The following ANKRD28 variants were observed in gnomAD, a reference collection of about 807,000 sequenced individuals.
ANKRD28 encodes serine/threonine-protein phosphatase 6 regulatory ankyrin repeat subunit A.
ANKRD28 carries 44 observed loss-of-function variants against 126.5 expected under a neutral mutation model. The observed-to-expected ratio is 0.35, with a 90% confidence interval of 0.27 to 0.45. The LOEUF is 0.45. ANKRD28 is among the 20% of genes least tolerant of loss of function. ANKRD28 has a pLI of 1.00. For missense variants in ANKRD28, 1,110 were observed against 1,316.6 expected (o/e 0.84, Z 2.43); for synonymous variants, 442 against 468.5 (o/e 0.94, Z 0.73).
chr3:15,699,294 A>G (rs1201436820), intron 14 of ANKRD28, among the ~76,000 whole-genome samples: 1 of 152,232 alleles, frequency 6.6e-6, no homozygotes, highest in African/African-American at 2.4e-5. Flanking sequence ...AAACCCTATT[A>G]GAAAACCTAG....
At chr3:15,777,929 C>A (rs148547701) in intron 2 of ANKRD28, among the ~76,000 whole-genome samples, 256 of 151,006 alleles carry the variant, frequency 1.7e-3, no homozygotes, top group African/African-American at 6.0e-3. Context: ...CCCGTCAATA[C>A]CCACACATAA....
intron 1 of ANKRD28, among the ~76,000 whole-genome samples, chr3:15,831,005 T>C (rs1363626187): frequency 6.6e-6 from 1 of 152,204 alleles, no homozygotes; most frequent in Non-Finnish European, 1.5e-5. Flanking sequence ...AAGTAAGCAC[T>C]GTCTGCACAA....
chr3:15,694,498 C>A (rs1287926522), intron 17 of ANKRD28, among the ~76,000 whole-genome samples: 1 of 151,886 alleles, frequency 6.6e-6, no homozygotes, highest in South Asian at 2.1e-4. Flanking sequence ...CTGGGGGAAG[C>A]CTAAGGATCA....
Position 15,670,235 on chromosome 3 carries a change from A to G in ANKRD28, c.*35T>C, listed in dbSNP as rs369600841. 1.0e-4 allele frequency: 163 copies of G among 1,598,848 alleles called. 2 individuals carry two copies. The East Asian group carries it at 2.1e-3, about 21-fold the overall frequency. ...TTTTTCCTGAAAAAGCACAGTTTGAAGCTTTACTGTGAGAACTCCCTCCTC... is the reference window on the plus strand; with the variant it reads ...TTTTTCCTGAAAAAGCACAGTTTGAGGCTTTACTGTGAGAACTCCCTCCTC... On this transcript the variant is annotated 3_prime_UTR_variant, in exon 28 of 28. Transcript: ENST00000683139.
chr3:15,727,582 A>G (rs1210704307), intron 6 of ANKRD28, among the ~76,000 whole-genome samples: 1 of 150,758 alleles, frequency 6.6e-6, no homozygotes, highest in Non-Finnish European at 1.5e-5. Flanking sequence ...AAAAAAAAAA[A>G]AAAAAAAAGA....
rs1327627450 is a variant in ANKRD28 at position 15,812,061 on chromosome 3, G to C, written c.28-16755C>G. ...CCAGCTACTCAGGAGGCTGAGGTCGGAGAATCGCTTGAACCCAGGAGGCTG... is the reference window on the plus strand; with the variant it reads ...CCAGCTACTCAGGAGGCTGAGGTCGCAGAATCGCTTGAACCCAGGAGGCTG... On this transcript the variant is annotated intron_variant, in intron 1 of 27. Coordinates refer to the ANKRD28 transcript ENST00000399451. The surrounding 1 kb of genome is among the most constrained non-coding windows in gnomAD (Gnocchi z 4.1). Among the ~76,000 whole-genome samples the C allele has an allele frequency of 6.6e-6, 1 of 152,056 alleles. No homozygotes were observed. The highest frequency in any genetic ancestry group is 1.5e-5 in the Non-Finnish European group (1 of 67,996).
rs2125759312 is a variant in ANKRD28 at position 15,685,364 on chromosome 3, T to C, written c.2251A>G (p.Thr751Ala). ...CAGGCAGCAGACAGGTGTATAGGCGTCCGGCCCCTGCTATCCCGAAGTAAG... is the reference window on the plus strand; with the variant it reads ...CAGGCAGCAGACAGGTGTATAGGCGCCCGGCCCCTGCTATCCCGAAGTAAG... ...KCLLRDSRGR[T>A]PIHLSAACGH... The change falls in exon 21 of 28, where the codon ACG becomes GCG. Residue 751 changes from threonine (T) to alanine (A), a missense_variant. Coordinates refer to ENST00000683139, the MANE Select transcript of ANKRD28 (RefSeq NM_001349278.2). 6.2e-7 allele frequency: 1 copy of C among 1,614,016 alleles called. No homozygotes were observed. Among genetic ancestry groups the C allele is most frequent in the Middle Eastern group, 1.6e-4 (1 of 6,062 alleles).
chr3:15,787,763 T>G (rs2125749990), intron 2 of ANKRD28, among the ~76,000 whole-genome samples: 1 of 152,308 alleles, frequency 6.6e-6, no homozygotes, highest in South Asian at 2.1e-4. Context: ...TGTTCAAGAT[T>G]AGACTGCTTC....
chr3:15,737,046 C>A lies in ANKRD28; in HGVS notation c.539G>T (p.Ser180Ile). ...GRTALHHAAF[S>I]GHGEMVKLLL... ...AATGCCACCTACCTCACCATGTCCA[C>A]TGAAAGCTGCATGATGTAATGCAGT... The change falls in exon 5 of 28, where the codon AGT becomes ATT. Residue 180 changes from serine (S) to isoleucine (I), a missense_variant. Ser to Ile is a moderately radical substitution (Grantham distance 142). Coordinates refer to ENST00000683139, the MANE Select transcript of ANKRD28 (RefSeq NM_001349278.2). 1 of 1,613,940 alleles carries A rather than the reference C, an allele frequency of 6.2e-7. No homozygotes were observed. The highest frequency in any genetic ancestry group is 1.1e-5 in the South Asian group (1 of 91,076).
chr3:15,810,527 A>T (rs1426090117), intron 1 of ANKRD28, among the ~76,000 whole-genome samples: 5 of 146,814 alleles, frequency 3.4e-5, no homozygotes, highest in Non-Finnish European at 7.4e-5. Context: ...TAAAATCTTT[A>T]AAGAATTTCT....
At chr3:15,700,982 A>C (rs973841060) in intron 14 of ANKRD28, among the ~76,000 whole-genome samples, 1 of 152,200 alleles carries the variant, frequency 6.6e-6, no homozygotes, top group Non-Finnish European at 1.5e-5. Flanking sequence ...TTCAGTGATA[A>C]TTTGTTTGGT....
chr3:15,826,752 C>T lies in ANKRD28; in HGVS notation c.28-31446G>A, dbSNP rs1468791145. On this transcript the variant is annotated intron_variant, in intron 1 of 27. Transcript: ENST00000399451. ...GATTGGTCTGAGTGTAGAAGATGAA[C>T]TGAAATGGCGGCAAAATTGGAGAAG... Among the ~76,000 whole-genome samples the T allele has an allele frequency of 3.9e-5, 6 of 152,100 alleles. No individual in the cohort carries two copies. The East Asian group carries it at 9.6e-4, about 24-fold the overall frequency.
At chr3:15,719,007 T>G (rs1037633035) in intron 8 of ANKRD28, among the ~76,000 whole-genome samples, 10 of 152,236 alleles carry the variant, frequency 6.6e-5, no homozygotes, top group African/African-American at 2.4e-4. Context: ...AGTTCAAACC[T>G]GTAATAAATA....
At position 15,713,751 on chromosome 3, in the gene ANKRD28, C is replaced by T. The variant is rs542961485; in HGVS notation, c.1076-110G>A. On this transcript the variant is annotated intron_variant, in intron 9 of 27. Coordinates refer to ENST00000683139, the MANE Select transcript of ANKRD28 (RefSeq NM_001349278.2). ...TTCACATACAAACTAATAGATACAG[C>T]AATTTTAACTAGATTTCATTCATAG... is the stretch of plus-strand genomic sequence containing the variant. The T allele has an allele frequency of 5.0e-5, 28 of 561,532 alleles. No homozygotes were observed. The East Asian group carries it at 8.8e-4, about 18-fold the overall frequency. 34.8% of individuals were successfully genotyped at this position (561,532 alleles called of 1,614,324 possible). A position where few individuals can be genotyped will look rare whatever the true frequency, so the allele number is the denominator to read the frequency against.
At chr3:15,730,280 G>T (rs2074486531) in intron 6 of ANKRD28, among the ~76,000 whole-genome samples, 1 of 152,202 alleles carries the variant, frequency 6.6e-6, no homozygotes, top group African/African-American at 2.4e-5. Flanking sequence ...AATGTGTAAA[G>T]GGACCTTGAC....
chr3:15,831,657 A>G (rs2061193024), intron 1 of ANKRD28, among the ~76,000 whole-genome samples: 2 of 152,236 alleles, frequency 1.3e-5, no homozygotes, highest in Non-Finnish European at 2.9e-5. Flanking sequence ...CTTTTACAAA[A>G]AAAGGGAATA....
intron 1 of ANKRD28, among the ~76,000 whole-genome samples, chr3:15,851,637 G>C (rs1003548653): frequency 4.6e-5 from 7 of 152,064 alleles, no homozygotes; most frequent in African/African-American, 1.4e-4. Flanking sequence ...ATTTAAGACA[G>C]ACAATAACGA....
intron 13 of ANKRD28, among the ~76,000 whole-genome samples, chr3:15,709,336 G>A (rs1475905862): frequency 6.6e-6 from 1 of 152,034 alleles, no homozygotes; most frequent in Non-Finnish European, 1.5e-5. Flanking sequence ...TATTTTCTAG[G>A]TATTGTGAGT....
chr3:15,699,186 A>G lies in ANKRD28; in HGVS notation c.1548-2941T>C, dbSNP rs184489313. Among the ~76,000 whole-genome samples, 6 of 152,362 alleles carry G rather than the reference A, an allele frequency of 3.9e-5. No homozygotes were observed. In the South Asian group the frequency reaches 1.0e-3, roughly 26 times the overall value. On this transcript the variant is annotated intron_variant, in intron 14 of 27. Transcript: ENST00000683139. ...ATGGTGCTGGGAAAACTGGCTAGCC[A>G]TATGTAGAAAGCTGAAACTGGATCC...
Sources: allele counts gnomAD v4.1 joint callset (sites outside exome capture counted in the v4.1 genomes callset), GRCh38; gene constraint gnomAD v4.1.1; non-coding constraint Gnocchi (gnomAD v3.1); transcripts MANE v1.5; gene names NCBI Gene and HGNC (gene_info 2026-07-23, HGNC 2026-07-21).